The following FBXO32 variants were observed in gnomAD, a reference collection of about 807,000 sequenced individuals.
FBXO32 encodes F-box protein 32.
Under a neutral mutation model 48.3 loss-of-function variants are expected in FBXO32, and 15 were observed. That is an observed-to-expected ratio of 0.31 (90% CI 0.21 to 0.48). The LOEUF is 0.48. Among genes scored for constraint, FBXO32 ranks in the 20% least tolerant of loss-of-function variants. The pLI, the probability that FBXO32 is intolerant of heterozygous loss-of-function variation, is 0.99. For synonymous variants in FBXO32, 154 were observed against 165.9 expected (o/e 0.93, Z 0.55); for missense variants, 309 against 432.7 (o/e 0.71, Z 2.54).
chr8:123,531,889 G>C lies in FBXO32; in HGVS notation c.372+9C>G, dbSNP rs201517664. On this transcript the variant is annotated intron_variant, in intron 4 of 8. Coordinates refer to ENST00000517956, the MANE Select transcript of FBXO32 (RefSeq NM_058229.4). The stretch of plus-strand genomic sequence containing the variant: ...AGCCTGGATGAGCCTTTAGGCACTT[G>C]AGACTTACCCGGACCACGTAGTTAA... The C allele has an allele frequency of 2.5e-6, 4 of 1,613,874 alleles. No homozygotes were observed. Among genetic ancestry groups the C allele is most frequent in the South Asian group, 1.1e-5 (1 of 91,046 alleles).
At position 123,513,117 on chromosome 8, in the gene FBXO32, G is replaced by C. The variant is rs1586991677; in HGVS notation, c.651+81C>G. The C allele has an allele frequency of 7.0e-7, 1 of 1,426,814 alleles. No homozygotes were observed. The highest frequency in any genetic ancestry group is 1.2e-5 in the South Asian group (1 of 81,552). The allele number at this position is 1,426,814 out of a possible 1,614,324, so 88.4% of individuals were successfully genotyped here. On this transcript the variant is annotated intron_variant, in intron 6 of 8. Coordinates refer to ENST00000517956, the MANE Select transcript of FBXO32 (RefSeq NM_058229.4). The surrounding 1 kb of genome is among the most constrained non-coding windows in gnomAD (Gnocchi z 4.3). ...GACCAGACTCTTCCGTCACAGGAGTGAATTCAAAGTCTTGGCGAGTCTGTC... is the reference window on the plus strand; with the variant it reads ...GACCAGACTCTTCCGTCACAGGAGTCAATTCAAAGTCTTGGCGAGTCTGTC...
intron 4 of FBXO32, among the ~76,000 whole-genome samples, chr8:123,527,746 C>T (rs1817115113): frequency 6.6e-6 from 1 of 152,160 alleles, no homozygotes; most frequent in African/African-American, 2.4e-5. Context: ...ACACCCACTG[C>T]CTTTATTTTT....
chr8:123,531,677 C>T (rs952297319), intron 4 of FBXO32, among the ~76,000 whole-genome samples: 1 of 152,196 alleles, frequency 6.6e-6, no homozygotes, highest in African/African-American at 2.4e-5. Context: ...TATGGCGGCC[C>T]CTGCCCATCC....
Position 123,533,338 on chromosome 8 carries a change from C to A in FBXO32, c.230-98G>T. The A allele has an allele frequency of 1.3e-5, 14 of 1,050,688 alleles. No individual in the cohort carries two copies. In the Admixed American group the frequency reaches 1.8e-4, roughly 14 times the overall value. The allele number at this position is 1,050,688 out of a possible 1,614,324, so 65.1% of individuals were successfully genotyped here. A position where few individuals can be genotyped will look rare whatever the true frequency, so the allele number is the denominator to read the frequency against. On this transcript the variant is annotated intron_variant, in intron 2 of 8. Transcript: ENST00000517956. ...TATTCCAAAGTTTTAAAAGTTTTGA[C>A]AAAAAAGATAAGGAGTCTACTGACA... is the stretch of plus-strand genomic sequence containing the variant.
In FBXO32 at chr8:123,501,760, T is replaced by C. The variant is rs1259132361; in HGVS notation, c.*1613A>G. On this transcript the variant is annotated 3_prime_UTR_variant, in exon 9 of 9. Coordinates refer to ENST00000517956, the MANE Select transcript of FBXO32 (RefSeq NM_058229.4). The stretch of plus-strand genomic sequence containing the variant: ...AAGCTCAGCTCTTAAAGATACACTG[T>C]TCCTCAACTTGAATGTGGACTGTGT... 3.9e-5 allele frequency: 6 copies of C among 152,204 alleles called. No homozygotes were observed. The highest frequency in any genetic ancestry group is 1.4e-4 in the African/African-American group (6 of 41,450). The allele number at this position is 152,204 out of a possible 1,614,324, so 9.4% of individuals were successfully genotyped here.
Position 123,513,454 on chromosome 8 carries a change from C to T in FBXO32, c.467-72G>A. ...CCCTGTATTTTACACATGAGCTTGT[C>T]TCTGTCTGTATTCCACTCATGTTAC... On this transcript the variant is annotated intron_variant, in intron 5 of 8. Transcript: ENST00000517956. The surrounding 1 kb of genome is among the most constrained non-coding windows in gnomAD (Gnocchi z 4.3). The T allele has an allele frequency of 1.5e-6, 2 of 1,304,744 alleles. No individual in the cohort carries two copies. The highest frequency in any genetic ancestry group is 1.1e-6 in the Non-Finnish European group (1 of 935,350). The allele number at this position is 1,304,744 out of a possible 1,614,324, so 80.8% of individuals were successfully genotyped here.
At chr8:123,517,477 C>CTTTTTTT (rs34410652) in intron 4 of FBXO32, among the ~76,000 whole-genome samples, 1 of 146,556 alleles carries the variant, frequency 6.8e-6, no homozygotes, top group Non-Finnish European at 1.5e-5. Context: ...TCCCCCCTAC[C>CTTTTTTT]TTTTTTTTTT....
rs1816617851 is a variant in FBXO32 at position 123,506,323 on chromosome 8, GC to G, written c.834+68del. 6.6e-7 allele frequency: 1 copy of G among 1,526,100 alleles called. No individual in the cohort carries two copies. Among genetic ancestry groups the G allele is most frequent in the Non-Finnish European group, 9.0e-7 (1 of 1,111,916 alleles). The allele number at this position is 1,526,100 out of a possible 1,614,324, so 94.5% of individuals were successfully genotyped here. On this transcript the variant is annotated intron_variant, in intron 7 of 8. Coordinates refer to ENST00000517956, the MANE Select transcript of FBXO32 (RefSeq NM_058229.4). The surrounding 1 kb of genome is among the most constrained non-coding windows in gnomAD (Gnocchi z 4.0). The stretch of plus-strand genomic sequence containing the variant: ...AACCCAGACCTCAGGCTTGAGCAGG[GC>G]ACCAAGGAAGTTTGGGGTGAGGGCC...
At chr8:123,533,677 A>G (rs1445091161) in intron 2 of FBXO32, among the ~76,000 whole-genome samples, 2 of 152,062 alleles carry the variant, frequency 1.3e-5, no homozygotes, top group African/African-American at 2.4e-5. Context: ...GCGTGGTGGC[A>G]GGCACCTGTA....
At chr8:123,510,625 C>T (rs1816717585) in intron 6 of FBXO32, among the ~76,000 whole-genome samples, 1 of 151,956 alleles carries the variant, frequency 6.6e-6, no homozygotes. Flanking sequence ...AGAAATCCTA[C>T]AGCTGGTAAA....
chr8:123,532,328 C>T (rs188526552), intron 3 of FBXO32, among the ~76,000 whole-genome samples: 51 of 152,276 alleles, frequency 3.3e-4, no homozygotes, highest in African/African-American at 1.0e-3. Context: ...GAGCAGGGTA[C>T]GGGACATGGG....
chr8:123,513,911 A>G lies in FBXO32; in HGVS notation c.466+329T>C, dbSNP rs1432554306. ...CTACGAATCTATTCTGACTTTGTAC[A>G]CATGTCGATTTTCTAGGAATTTGGG... On this transcript the variant is annotated intron_variant, in intron 5 of 8. Coordinates refer to ENST00000517956, the MANE Select transcript of FBXO32 (RefSeq NM_058229.4). The surrounding 1 kb of genome is among the most constrained non-coding windows in gnomAD (Gnocchi z 4.3). 2 of 261,848 alleles carry G rather than the reference A, an allele frequency of 7.6e-6. No homozygotes were observed. Among genetic ancestry groups the G allele is most frequent in the Non-Finnish European group, 1.4e-5 (2 of 139,382 alleles). The allele number at this position is 261,848 out of a possible 1,614,324, so 16.2% of individuals were successfully genotyped here.
chr8:123,510,199 G>A (rs572873284), intron 6 of FBXO32, among the ~76,000 whole-genome samples: 17 of 152,182 alleles, frequency 1.1e-4, no homozygotes, highest in South Asian at 4.1e-4. Context: ...GCACTGTGCC[G>A]TCTGCTTTCT....
chr8:123,514,144 T>G (rs1489375881), intron 5 of FBXO32, 96 bp downstream of exon 5: 1 of 802,828 alleles, frequency 1.2e-6, no homozygotes, highest in Non-Finnish European at 2.0e-6. Context: ...TCCATTCACA[T>G]GTCTTTAAGT....
intron 4 of FBXO32, among the ~76,000 whole-genome samples, chr8:123,524,598 C>T (rs925799104): frequency 2.6e-5 from 4 of 152,058 alleles, no homozygotes; most frequent in Non-Finnish European, 2.9e-5. Context: ...GATGGTGGCA[C>T]GATCTTGGCT....
intron 8 of FBXO32, among the ~76,000 whole-genome samples, chr8:123,504,343 C>G (rs192343736): frequency 5.9e-5 from 9 of 151,896 alleles, no homozygotes; most frequent in African/African-American, 2.2e-4. Flanking sequence ...TGTGTGTACC[C>G]GTACACACAG....
chr8:123,499,445 ACAGACT>A lies in FBXO32; in HGVS notation c.*3922_*3927del, dbSNP rs1816432802. 6.6e-6 allele frequency: 1 copy of A among 151,876 alleles called. No homozygotes were observed. Among genetic ancestry groups the A allele is most frequent in the Middle Eastern group, 3.4e-3 (1 of 294 alleles). The allele number at this position is 151,876 out of a possible 1,614,324, so 9.4% of individuals were successfully genotyped here. A position where few individuals can be genotyped will look rare whatever the true frequency, so the allele number is the denominator to read the frequency against. Reference sequence around the variant, plus strand: ...AGCATCCAGTCAGAAGAGATAGTTCACAGACTCAGAGTTGGAAACAGATTAAAAAAA... The same window carrying A: ...AGCATCCAGTCAGAAGAGATAGTTCACAGAGTTGGAAACAGATTAAAAAAA... On this transcript the variant is annotated 3_prime_UTR_variant, in exon 9 of 9. Transcript: ENST00000517956.
chr8:123,517,085 T>A (rs778008087), intron 4 of FBXO32, among the ~76,000 whole-genome samples: 1 of 152,104 alleles, frequency 6.6e-6, no homozygotes, highest in East Asian at 1.9e-4. Context: ...ATGACCAACA[T>A]GAAGCAGATG....
Position 123,527,308 on chromosome 8 carries a change from G to C in FBXO32, c.372+4590C>G, listed in dbSNP as rs569818703. The C allele has an allele frequency of 2.0e-5, 3 of 152,302 alleles. No individual in the cohort carries two copies. In the South Asian group the frequency reaches 6.2e-4, roughly 32 times the overall value. 9.4% of individuals were successfully genotyped at this position (152,302 alleles called of 1,614,324 possible). A position where few individuals can be genotyped will look rare whatever the true frequency, so the allele number is the denominator to read the frequency against. On this transcript the variant is annotated intron_variant, in intron 4 of 8. Transcript: ENST00000517956. ...AGTGTAAGTTTGAATTCAAGTTCAA[G>C]TTCTATATTACATTGTACTCAGCAA...
Sources: allele counts gnomAD v4.1 joint callset (sites outside exome capture counted in the v4.1 genomes callset), GRCh38; gene constraint gnomAD v4.1.1; non-coding constraint Gnocchi (gnomAD v3.1); transcripts MANE v1.5; gene names NCBI Gene and HGNC (gene_info 2026-07-23, HGNC 2026-07-21).